ZNF76: variants seen among roughly 807,000 people sequenced by gnomAD.
ZNF76 encodes zinc finger protein 523.
ZNF76 carries 66 observed loss-of-function variants against 66.9 expected under a neutral mutation model. That is an observed-to-expected ratio of 0.99 (90% CI 0.81 to 1.21). The LOEUF (loss-of-function observed/expected upper bound fraction) is 1.21. Ranked by LOEUF, ZNF76 falls within the 50% of genes most tolerant of loss-of-function variation. The pLI is 0.00. For synonymous variants in ZNF76, 275 were observed against 296.1 expected (o/e 0.93, Z 0.73); for missense variants, 729 against 760.3 (o/e 0.96, Z 0.48).
At position 35,292,343 on chromosome 6, in the gene ZNF76, G is replaced by A. The variant is rs1468648979; in HGVS notation, c.932-211G>A. ...TTGCCCTGTCCCCCGTTTCCTTTCC[G>A]CCTTGTCTCTGGATTCAGTGGTTCA... is the stretch of plus-strand genomic sequence containing the variant. On this transcript the variant is annotated intron_variant, in intron 9 of 13. Transcript: ENST00000373953. The surrounding 1 kb of genome is among the most constrained non-coding windows in gnomAD (Gnocchi z 4.7). 1.6e-5 allele frequency: 9 copies of A among 567,678 alleles called. No homozygotes were observed. Among genetic ancestry groups the A allele is most frequent in the Admixed American group, 6.0e-5 (2 of 33,442 alleles). The allele number at this position is 567,678 out of a possible 1,614,324, so 35.2% of individuals were successfully genotyped here.
chr6:35,265,952 A>G lies in ZNF76; in HGVS notation c.-97+6111A>G, dbSNP rs148323955. ...GTGGCTGCTGTGTTGAGAATAAGCT[A>G]TAACGGGGCAAAAATGGAAGGAGAG... On this transcript the variant is annotated intron_variant, in intron 1 of 13. Transcript: ENST00000373953. Among the ~76,000 whole-genome samples the G allele has an allele frequency of 1.9e-3, 286 of 152,316 alleles. 1 individual carries two copies. Among genetic ancestry groups the G allele is most frequent in the Middle Eastern group, 0.017 (5 of 294 alleles).
intron 1 of ZNF76, among the ~76,000 whole-genome samples, chr6:35,266,546 A>G (rs1405119848): frequency 1.3e-5 from 2 of 152,128 alleles, no homozygotes; most frequent in African/African-American, 4.8e-5. Flanking sequence ...TTGGATATCA[A>G]AGTCGAGATG....
rs138764727 is a variant in ZNF76, at chr6:35,291,297, C to T, written c.645C>T (p.His215=). ...GGACAGGCTATGGACTGAAGAGCCA[C>T]GTTCGTACCCACACTGGTGAGAAAC... ...AFATGYGLKS[H]VRTHTGEKPY... is the part of the protein sequence containing the mutation. Residue 215 remains histidine (H), a synonymous_variant, in exon 8 of 14, where the codon CAC becomes CAT. Transcript: ENST00000373953. The T allele has an allele frequency of 2.5e-6, 4 of 1,611,936 alleles. No homozygotes were observed. In the African/African-American group the frequency reaches 4.0e-5, roughly 16 times the overall value.
At chr6:35,289,109 T>C (rs1045800671) in intron 5 of ZNF76, among the ~76,000 whole-genome samples, 1 of 152,198 alleles carries the variant, frequency 6.6e-6, no homozygotes, top group Non-Finnish European at 1.5e-5. Context: ...AGATCTATGC[T>C]TGCTCTACCT....
chr6:35,265,726 A>G (rs1582021323), intron 1 of ZNF76, among the ~76,000 whole-genome samples: 1 of 152,200 alleles, frequency 6.6e-6, no homozygotes, highest in African/African-American at 2.4e-5. Context: ...TGTGCCCTAT[A>G]TATTCAAGAA....
At chr6:35,262,334 G>A (rs1012119872) in intron 1 of ZNF76, among the ~76,000 whole-genome samples, 8 of 152,192 alleles carry the variant, frequency 5.3e-5, no homozygotes, top group African/African-American at 1.4e-4. Context: ...CTTCAGGGGA[G>A]AAGAGCCTCA....
rs1418487601 is a variant in ZNF76 at position 35,287,051 on chromosome 6, A to G, written c.233-595A>G. On this transcript the variant is annotated intron_variant, in intron 4 of 13. Transcript: ENST00000373953. This position sits in a 1 kb window ranked among gnomAD's most constrained non-coding sequence, Gnocchi z 4.0. The stretch of plus-strand genomic sequence containing the variant: ...GATGGCAGGGAGGGTTCAGTACTTC[A>G]GGCAGAAGGAATAGCATGTGCAGGC... 6.6e-6 allele frequency among the ~76,000 whole-genome samples: 1 copy of G among 152,138 alleles called. No individual in the cohort carries two copies. Among genetic ancestry groups the G allele is most frequent in the Non-Finnish European group, 1.5e-5 (1 of 68,020 alleles).
At chr6:35,280,661 G>A (rs1788653698) in intron 1 of ZNF76, among the ~76,000 whole-genome samples, 1 of 152,106 alleles carries the variant, frequency 6.6e-6, no homozygotes, top group African/African-American at 2.4e-5. Context: ...CATGTGGGAT[G>A]TTCCCTGAGG....
rs772212393 is a variant in ZNF76, at chr6:35,293,926, G to A, written c.1494+11G>A. On this transcript the variant is annotated intron_variant, in intron 12 of 13. Transcript: ENST00000373953. ...ACCCAGACGCAGCCCGTATGACCAG[G>A]CGGTTTGCTTGGGGTTTCTTATTTT... 2.5e-6 allele frequency: 4 copies of A among 1,612,990 alleles called. No individual in the cohort carries two copies. The East Asian group carries it at 8.9e-5, about 36-fold the overall frequency.
intron 2 of ZNF76, among the ~76,000 whole-genome samples, chr6:35,282,995 C>A (rs1789002884): frequency 6.6e-6 from 1 of 152,178 alleles, no homozygotes; most frequent in Non-Finnish European, 1.5e-5. Context: ...TCTTGCCCCT[C>A]CAGTGCAGTC....
At chr6:35,281,273 G>A (rs1171998315) in intron 2 of ZNF76, 49 bp downstream of exon 2, 2 of 1,567,800 alleles carry the variant, frequency 1.3e-6, no homozygotes, top group African/African-American at 1.4e-5. Context: ...CTCAGCCTCT[G>A]GAAAGGAGTG....
Position 35,294,563 on chromosome 6 carries a change from A to G in ZNF76, c.1602A>G (p.Ala534=), listed in dbSNP as rs761192738. 1.2e-5 allele frequency: 19 copies of G among 1,609,646 alleles called. No individual in the cohort carries two copies. Among genetic ancestry groups the G allele is most frequent in the Non-Finnish European group, 1.4e-5 (16 of 1,175,954 alleles). ...CCACAGCCAACGGAACGCACATTGC[A>G]GTGCAGGTGAGTAGAGATCTGGGAG... is the stretch of plus-strand genomic sequence containing the variant. ...LLATANGTHI[A]VQLEEQQTLE... Residue 534 remains alanine, a synonymous_variant, in exon 13 of 14, where the codon GCA becomes GCG. Transcript: ENST00000373953.
rs1417846618 is a variant in ZNF76 at position 35,295,530 on chromosome 6, C to T, written c.*282C>T. The T allele has an allele frequency of 4.5e-6, 2 of 441,390 alleles. No individual in the cohort carries two copies. The highest frequency in any genetic ancestry group is 2.0e-5 in the African/African-American group (1 of 49,736). 27.3% of individuals were successfully genotyped at this position (441,390 alleles called of 1,614,324 possible). A position where few individuals can be genotyped will look rare whatever the true frequency, so the allele number is the denominator to read the frequency against. On this transcript the variant is annotated 3_prime_UTR_variant, in exon 14 of 14. Transcript: ENST00000373953. ...TCAAAATCAGCTGGGCGCCCACTCT[C>T]CTCCTAAAGAACACCCTTCTGGCCC...
intron 1 of ZNF76, among the ~76,000 whole-genome samples, chr6:35,267,310 C>G (rs1307037104): frequency 6.6e-6 from 1 of 152,012 alleles, no homozygotes; most frequent in Non-Finnish European, 1.5e-5. Flanking sequence ...GCTGCCCAGG[C>G]TGGTCCTGAA....
At chr6:35,276,470 AC>A (rs1562101671) in intron 1 of ZNF76, among the ~76,000 whole-genome samples, 2 of 152,190 alleles carry the variant, frequency 1.3e-5, no homozygotes. Context: ...TTAATCCCTT[AC>A]AGCAGGCTAT....
chr6:35,279,358 C>T (rs1788394201), intron 1 of ZNF76: 1 of 154,960 alleles, frequency 6.5e-6, no homozygotes, highest in Admixed American at 6.8e-5. Flanking sequence ...TTGCTTTATA[C>T]ATGTAAGTAC....
chr6:35,289,949 CCATT>C (rs1258612852), intron 5 of ZNF76, among the ~76,000 whole-genome samples: 1 of 152,162 alleles, frequency 6.6e-6, no homozygotes, highest in Non-Finnish European at 1.5e-5. Context: ...TCAAGCATGG[CCATT>C]CAGACAACCT....
rs143617625 is a variant in ZNF76, at chr6:35,292,926, T to G, written c.1211T>G (p.Ile404Arg). Reference sequence around the variant, plus strand: ...AGTCCGCCACCCAAACGACCCCGGATAGCTTACCTTTCGGAGGTGAAGGAA... The same window carrying G: ...AGTCCGCCACCCAAACGACCCCGGAGAGCTTACCTTTCGGAGGTGAAGGAA... ...EESPPPKRPR[I>R]AYLSEVKEER... Residue 404 changes from isoleucine (I) to arginine (R), a missense_variant, in exon 11 of 14, where the codon ATA becomes AGA. Physicochemically the swap from Ile to Arg is moderately conservative, Grantham distance 97 (BLOSUM62 -3). Transcript: ENST00000373953. The surrounding 1 kb of genome is among the most constrained non-coding windows in gnomAD (Gnocchi z 4.7). The G allele has an allele frequency of 1.0e-4, 166 of 1,614,010 alleles. No individual in the cohort carries two copies. Among genetic ancestry groups the G allele is most frequent in the Non-Finnish European group, 1.3e-4 (157 of 1,180,030 alleles).
chr6:35,284,575 A>G lies in ZNF76; in HGVS notation c.74-1553A>G, dbSNP rs1001155074. On this transcript the variant is annotated intron_variant, in intron 2 of 13. Coordinates refer to ENST00000373953, the MANE Select transcript of ZNF76 (RefSeq NM_003427.5). ...CTCCACACCCAGCTAATTTTTTTGTATTTTTAGTAGAGACAGGGTTTCACC... is the reference window on the plus strand; with the variant it reads ...CTCCACACCCAGCTAATTTTTTTGTGTTTTTAGTAGAGACAGGGTTTCACC... Among the ~76,000 whole-genome samples, 5 of 150,768 alleles carry G rather than the reference A, an allele frequency of 3.3e-5. No homozygotes were observed. In the East Asian group the frequency reaches 7.8e-4, roughly 24 times the overall value.
Sources: gnomAD v4.1 joint callset for allele counts (sites outside exome capture counted in the v4.1 genomes callset) on GRCh38, gnomAD v4.1.1 for gene constraint, Gnocchi (gnomAD v3.1) non-coding constraint, MANE v1.5 for transcripts, NCBI Gene and HGNC (gene_info 2026-07-23, HGNC 2026-07-21) for gene names.